The following PHACTR1 variants were observed in gnomAD, a reference collection of about 807,000 sequenced individuals.
The protein encoded by PHACTR1 is phosphatase and actin regulator 1.
Under a neutral mutation model 69.2 loss-of-function variants are expected in PHACTR1, and 16 were observed. That is an observed-to-expected ratio of 0.23 (90% CI 0.16 to 0.35). The LOEUF is 0.35. PHACTR1 is among the 10% of genes least tolerant of loss of function. The pLI is 1.00. For synonymous variants in PHACTR1, 312 were observed against 284.5 expected (o/e 1.10, Z -0.97); for missense variants, 510 against 734.7 (o/e 0.69, Z 3.54).
intron 8 of PHACTR1, among the ~76,000 whole-genome samples, chr6:13,218,440 C>G (rs1768011103): frequency 6.6e-6 from 1 of 152,172 alleles, no homozygotes; most frequent in African/African-American, 2.4e-5. Context: ...GTATGAAAGA[C>G]TGAAAGTAAA....
intron 4 of PHACTR1, among the ~76,000 whole-genome samples, chr6:13,024,296 C>A (rs1453861305): frequency 1.3e-5 from 2 of 152,158 alleles, no homozygotes; most frequent in Non-Finnish European, 2.9e-5. Flanking sequence ...GAATTAGGTT[C>A]TTTCTTGGAA....
chr6:12,945,364 G>T (rs1367831051), intron 4 of PHACTR1, among the ~76,000 whole-genome samples: 1 of 152,124 alleles, frequency 6.6e-6, no homozygotes, highest in East Asian at 1.9e-4. Flanking sequence ...CCACTGTTCA[G>T]TCAAAACTGT....
intron 5 of PHACTR1, among the ~76,000 whole-genome samples, chr6:13,143,958 C>CT (rs1822897372): frequency 6.6e-6 from 1 of 152,036 alleles, no homozygotes; most frequent in South Asian, 2.1e-4. Flanking sequence ...AGGGGAATAT[C>CT]TTATGATCAA....
At chr6:12,922,303 G>A (rs9381500) in intron 4 of PHACTR1, among the ~76,000 whole-genome samples, 101,745 of 152,140 alleles carry the variant, frequency 0.67, 34,432 homozygotes, top group East Asian at 0.99. Context: ...AGTATTGAGG[G>A]TAATGTTTAG....
intron 13 of PHACTR1, among the ~76,000 whole-genome samples, chr6:13,284,641 A>G (rs942387522): frequency 6.8e-6 from 1 of 148,078 alleles, no homozygotes; most frequent in Non-Finnish European, 1.5e-5. Flanking sequence ...GATAGAAACT[A>G]TGGAGTGTGT....
intron 10 of PHACTR1, among the ~76,000 whole-genome samples, chr6:13,258,978 C>T (rs943851045): frequency 8.5e-5 from 13 of 152,298 alleles, no homozygotes; most frequent in East Asian, 3.9e-4. Context: ...ACATAATACA[C>T]GCAGGGATGG....
chr6:12,915,863 A>G (rs112436134), intron 4 of PHACTR1, among the ~76,000 whole-genome samples: 6,159 of 152,204 alleles, frequency 0.04, 219 homozygotes, highest in Admixed American at 0.063. Flanking sequence ...CAGCCTCATG[A>G]CTGGTTGTCC....
At chr6:12,744,224 T>C (rs1765475665) in intron 3 of PHACTR1, among the ~76,000 whole-genome samples, 1 of 152,208 alleles carries the variant, frequency 6.6e-6, no homozygotes, top group African/African-American at 2.4e-5. Context: ...TTTGCTTCCT[T>C]AAAGGGAACC....
intron 6 of PHACTR1, among the ~76,000 whole-genome samples, chr6:13,169,502 A>G (rs1760287336): frequency 6.6e-6 from 1 of 152,078 alleles, no homozygotes; most frequent in Admixed American, 6.6e-5. Flanking sequence ...CCCAACATTT[A>G]ATGTTTGGGG....
At chr6:13,012,432 G>A (rs1335349094) in intron 4 of PHACTR1, among the ~76,000 whole-genome samples, 1 of 152,240 alleles carries the variant, frequency 6.6e-6, no homozygotes, top group Non-Finnish European at 1.5e-5. Context: ...GAAACAACTG[G>A]TAGTGACAGT....
At chr6:12,888,226 C>T (rs1338556827) in intron 4 of PHACTR1, among the ~76,000 whole-genome samples, 3 of 152,038 alleles carry the variant, frequency 2.0e-5, no homozygotes, top group Admixed American at 1.3e-4. Context: ...CATGGGGATA[C>T]AGCGTTCATT....
At chr6:12,750,503 AGAAG>A (rs1291562994) in intron 4 of PHACTR1, among the ~76,000 whole-genome samples, 6 of 147,388 alleles carry the variant, frequency 4.1e-5, no homozygotes, top group Admixed American at 1.4e-4. Context: ...AGGGAAGAAA[AGAAG>A]GAAGGAGGGA....
At chr6:13,121,170 G>A (rs917102364) in intron 5 of PHACTR1, among the ~76,000 whole-genome samples, 10 of 152,180 alleles carry the variant, frequency 6.6e-5, no homozygotes, top group Admixed American at 2.0e-4. Context: ...TAGGGGAAGC[G>A]ATGCCAGCAA....
At chr6:13,273,891 T>C (rs202051) in intron 11 of PHACTR1, 131,454 of 149,682 alleles carry the variant, frequency 0.88, 57,994 homozygotes, top group Non-Finnish European at 0.91. Context: ...ACTGACTCCT[T>C]GCCTCCCCCG....
intron 4 of PHACTR1, among the ~76,000 whole-genome samples, chr6:12,936,285 C>A (rs1789439652): frequency 6.6e-6 from 1 of 152,104 alleles, no homozygotes; most frequent in African/African-American, 2.4e-5. Flanking sequence ...AGCCACCTAT[C>A]CACTTATCTA....
intron 4 of PHACTR1, among the ~76,000 whole-genome samples, chr6:12,914,796 A>T (rs957430859): frequency 6.6e-6 from 1 of 152,214 alleles, no homozygotes; most frequent in African/African-American, 2.4e-5. Flanking sequence ...AGGGCAGTCT[A>T]GAGCTAAGGA....
intron 8 of PHACTR1, among the ~76,000 whole-genome samples, chr6:13,220,182 C>A (rs572296250): frequency 6.6e-6 from 1 of 152,272 alleles, no homozygotes; most frequent in Non-Finnish European, 1.5e-5. Context: ...CTGTGGAACC[C>A]GCTGGTATCT....
intron 4 of PHACTR1, among the ~76,000 whole-genome samples, chr6:12,819,588 G>T (rs1561912701): frequency 6.6e-6 from 1 of 152,142 alleles, no homozygotes; most frequent in Non-Finnish European, 1.5e-5. Context: ...CCATAAAATG[G>T]AAATATGAAT....
intron 5 of PHACTR1, among the ~76,000 whole-genome samples, chr6:13,116,370 G>A (rs146173621): frequency 3.3e-5 from 5 of 152,368 alleles, no homozygotes; most frequent in African/African-American, 7.2e-5. Flanking sequence ...TGAGAGCAAT[G>A]TCAAATGAGG....
Sources: gnomAD v4.1 joint callset for allele counts (sites outside exome capture counted in the v4.1 genomes callset) on GRCh38, gnomAD v4.1.1 for gene constraint, MANE v1.5 for transcripts, NCBI Gene and HGNC (gene_info 2026-07-23, HGNC 2026-07-21) for gene names.